The following DMGDH variants were observed in gnomAD, a reference collection of about 807,000 sequenced individuals.
The protein encoded by DMGDH is dimethylglycine dehydrogenase, also known as dimethylglycine dehydrogenase, mitochondrial.
DMGDH carries 76 observed loss-of-function variants against 95.2 expected under a neutral mutation model. The ratio of observed to expected loss-of-function variants is 0.80; its 90% CI spans 0.66 to 0.97. The LOEUF is 0.97. DMGDH is among the 50% of genes least tolerant of loss of function. DMGDH has a pLI of 0.00. For missense variants in DMGDH, 987 were observed against 1,055.0 expected (o/e 0.94, Z 0.89); for synonymous variants, 345 against 377.6 (o/e 0.91, Z 1.00).
chr5:79,020,572 T>C, intron 14 of DMGDH: 10 of 772,948 alleles, frequency 1.3e-5, no homozygotes, highest in Non-Finnish European at 1.6e-5. Flanking sequence ...CCAGCTTTTT[T>C]GGGTTGTTTT....
chr5:79,022,237 C>G (rs57619391), intron 14 of DMGDH, among the ~76,000 whole-genome samples: 2,068 of 152,262 alleles, frequency 0.014, 48 homozygotes, highest in African/African-American at 0.047. Context: ...TTTTCCGAAG[C>G]AATTATAGGC....
chr5:79,025,959 A>G (rs113377147), intron 13 of DMGDH, among the ~76,000 whole-genome samples: 2,099 of 152,352 alleles, frequency 0.014, 49 homozygotes, highest in African/African-American at 0.048. Flanking sequence ...TGGTTAAAGC[A>G]CTATACAAAT....
chr5:79,016,870 G>C (rs1753743109), intron 14 of DMGDH, among the ~76,000 whole-genome samples: 2 of 152,074 alleles, frequency 1.3e-5, no homozygotes, highest in Non-Finnish European at 2.9e-5. Context: ...ACAGAGTCCA[G>C]AAATAGACCT....
chr5:79,062,497 G>A (rs747071247), intron 2 of DMGDH, among the ~76,000 whole-genome samples: 1 of 151,254 alleles, frequency 6.6e-6, no homozygotes, highest in South Asian at 2.1e-4. Context: ...TGATGAGCAG[G>A]GGCTAACGCT....
chr5:79,028,234 T>C (rs931043329), intron 12 of DMGDH, among the ~76,000 whole-genome samples, 199 bp downstream of exon 12: 1 of 151,616 alleles, frequency 6.6e-6, no homozygotes, highest in African/African-American at 2.4e-5. Flanking sequence ...AGATGAGGAG[T>C]GAATAGACAG....
chr5:79,065,480 G>A (rs1755351707), intron 1 of DMGDH, among the ~76,000 whole-genome samples: 1 of 152,122 alleles, frequency 6.6e-6, no homozygotes, highest in African/African-American at 2.4e-5. Context: ...CCAGAGTGCT[G>A]GGATTACAGG....
chr5:79,010,838 G>A (rs1753636931), intron 14 of DMGDH, among the ~76,000 whole-genome samples: 3 of 152,146 alleles, frequency 2.0e-5, no homozygotes, highest in South Asian at 2.1e-4. Context: ...TCTTATAGGC[G>A]GGGAAGGGCT....
Position 79,054,247 on chromosome 5 carries a change from T to G in DMGDH, c.477A>C (p.Thr159=). The change falls in exon 4 of 16, where the codon ACA becomes ACC. Residue 159 remains threonine, a synonymous_variant. Transcript: ENST00000255189. ...TTTCAGGTTCAATGAGATACTGTTC[T>G]GTTGCATGCCAGCCAGTCCGAGTCA... ...YQMTRTGWHA[T]EQYLIEPEKI... 1 of 1,614,186 alleles carries G rather than the reference T, an allele frequency of 6.2e-7. No homozygotes were observed. The highest frequency in any genetic ancestry group is 2.2e-5 in the East Asian group (1 of 44,876).
At position 79,042,439 on chromosome 5, in the gene DMGDH, A is replaced by G. The variant is rs776429003; in HGVS notation, c.1037T>C (p.Met346Thr). ...TTCCATGGCAGCTTTGATGTGTTCC[A>G]TGATTCGATCTAGATCAGACTCAAA... ...ELFESDLDRI[M>T]EHIKAAMEMV... The change falls in exon 7 of 16, where the codon ATG becomes ACG. Residue 346 changes from methionine to threonine, a missense_variant. Physicochemically the swap from Met to Thr is moderately conservative, Grantham distance 81. Coordinates refer to ENST00000255189, the MANE Select transcript of DMGDH (RefSeq NM_013391.3). 4.3e-6 allele frequency: 7 copies of G among 1,614,082 alleles called. No homozygotes were observed. Among genetic ancestry groups the G allele is most frequent in the Non-Finnish European group, 5.1e-6 (6 of 1,180,034 alleles).
At chr5:79,025,788 A>G (rs183328798) in intron 13 of DMGDH, among the ~76,000 whole-genome samples, 1 of 152,324 alleles carries the variant, frequency 6.6e-6, no homozygotes, top group East Asian at 1.9e-4. Flanking sequence ...AGCCTGCCAT[A>G]TTGGAAATAA....
At chr5:79,056,652 G>A (rs913400957) in intron 2 of DMGDH, among the ~76,000 whole-genome samples, 6 of 152,090 alleles carry the variant, frequency 3.9e-5, no homozygotes, top group African/African-American at 7.2e-5. Context: ...TCAGGAGTTC[G>A]AGACCAGCCT....
rs563660619 is a variant in DMGDH at position 79,034,539 on chromosome 5, G to T, written c.1194-1131C>A. ...GTGGTTTAAGTCAGGAGCTTCCAAG[G>T]AACTGAATGAGCAGAGAGTCATGGG... On this transcript the variant is annotated intron_variant, in intron 7 of 15. Transcript: ENST00000255189. Among the ~76,000 whole-genome samples the T allele has an allele frequency of 7.7e-4, 117 of 152,220 alleles. 1 individual carries two copies. The highest frequency in any genetic ancestry group is 1.2e-3 in the East Asian group (6 of 5,164).
chr5:79,018,621 T>C (rs887143677), intron 14 of DMGDH, among the ~76,000 whole-genome samples: 2 of 152,182 alleles, frequency 1.3e-5, no homozygotes, highest in Non-Finnish European at 2.9e-5. Flanking sequence ...TGCTGTATCA[T>C]GTACTAAAAC....
intron 2 of DMGDH, among the ~76,000 whole-genome samples, chr5:79,061,219 A>AC (rs1211579571): frequency 7.0e-5 from 3 of 43,062 alleles, no homozygotes; most frequent in Non-Finnish European, 1.5e-4. Flanking sequence ...ACTCTGTCTC[A>AC]AACACACACA....
intron 14 of DMGDH, among the ~76,000 whole-genome samples, chr5:79,018,048 AATT>A (rs760465636): frequency 3.9e-5 from 6 of 152,092 alleles, no homozygotes; most frequent in Non-Finnish European, 8.8e-5. Context: ...TATAAAAGGG[AATT>A]ATTATTATTT....
At chr5:79,045,656 G>C (rs868159652) in intron 5 of DMGDH, among the ~76,000 whole-genome samples, 1 of 152,166 alleles carries the variant, frequency 6.6e-6, no homozygotes, top group South Asian at 2.1e-4. Flanking sequence ...TAGATGATTT[G>C]GGGGCAGGGA....
intron 14 of DMGDH, among the ~76,000 whole-genome samples, chr5:79,007,666 C>T (rs1003260925): frequency 1.5e-4 from 23 of 152,122 alleles, no homozygotes; most frequent in Non-Finnish European, 3.2e-4. Flanking sequence ...TTGACTTACA[C>T]GGTGTGATTT....
At chr5:79,011,463 T>C (rs563889307) in intron 14 of DMGDH, among the ~76,000 whole-genome samples, 28 of 152,346 alleles carry the variant, frequency 1.8e-4, no homozygotes, top group African/African-American at 6.3e-4. Flanking sequence ...AGCAAAATGT[T>C]AAATTATTAG....
At position 78,998,024 on chromosome 5, in the gene DMGDH, A is replaced by G; in HGVS notation, c.*58T>C. 1 of 1,568,018 alleles carries G rather than the reference A, an allele frequency of 6.4e-7. No homozygotes were observed. ...TCTATTCCCCTGGGAGCCAGTTATA[A>G]TAATTTCAAGGACAGTCATTAGCAA... On this transcript the variant is annotated 3_prime_UTR_variant, in exon 16 of 16. Transcript: ENST00000255189.
Sources: allele counts gnomAD v4.1 joint callset (sites outside exome capture counted in the v4.1 genomes callset), GRCh38; gene constraint gnomAD v4.1.1; transcripts MANE v1.5; gene names NCBI Gene and HGNC (gene_info 2026-07-23, HGNC 2026-07-21).